Variants in CPQ observed in about 807,000 individuals in gnomAD.
CPQ encodes the protein Ser-Met dipeptidase.
A neutral mutation model predicts 45.7 loss-of-function variants in CPQ; 37 were observed. The observed-to-expected ratio is 0.81, with a 90% CI of 0.62 to 1.07. The LOEUF (loss-of-function observed/expected upper bound fraction) is 1.07, where lower values mean the gene tolerates loss of function less well. CPQ is among the 50% of genes least tolerant of loss of function. The probability of loss-of-function intolerance (pLI) is 0.00; values close to 1 mark genes in which losing one functional copy is unlikely to be tolerated. For synonymous variants in CPQ, 186 were observed against 205.8 expected (o/e 0.90, Z 0.82); for missense variants, 537 against 572.9 (o/e 0.94, Z 0.64).
intron 6 of CPQ, among the ~76,000 whole-genome samples, chr8:97,054,080 G>A (rs776510422): frequency 3.5e-4 from 53 of 152,160 alleles, no homozygotes; most frequent in Non-Finnish European, 5.9e-4. Flanking sequence ...ATGTGGAGAG[G>A]TCAAGTAGGC....
In CPQ at chr8:96,747,290, CAAA is replaced by C. The variant is rs397891702; in HGVS notation, c.-34-37558_-34-37556del. Among the ~76,000 whole-genome samples the C allele has an allele frequency of 5.0e-3, 487 of 96,796 alleles. 2 individuals carry two copies. Among genetic ancestry groups the C allele is most frequent in the African/African-American group, 0.018 (447 of 24,706 alleles). 63.5% of individuals were successfully genotyped at this position (96,796 alleles called of 152,430 possible). ...TGGGTGACAGAGCGAATCTTTGTCT[CAAA>C]AAAAAAAAAAAAAAACACTGTTTGA... is the stretch of plus-strand genomic sequence containing the variant. On this transcript the variant is annotated intron_variant, in intron 1 of 7. Coordinates refer to ENST00000220763, the MANE Select transcript of CPQ (RefSeq NM_016134.4).
At chr8:96,691,654 T>C (rs1554556583) in intron 1 of CPQ, among the ~76,000 whole-genome samples, 1 of 152,150 alleles carries the variant, frequency 6.6e-6, no homozygotes, top group Non-Finnish European at 1.5e-5. Context: ...TAATATAAGT[T>C]AAAACAAAAA....
At chr8:96,904,195 C>G (rs1812547528) in intron 4 of CPQ, among the ~76,000 whole-genome samples, 2 of 144,946 alleles carry the variant, frequency 1.4e-5, no homozygotes, top group South Asian at 4.6e-4. Context: ...AACATCTTTC[C>G]TTTGACTCTA....
chr8:96,827,669 C>T (rs1260745512), intron 2 of CPQ, among the ~76,000 whole-genome samples: 2 of 152,000 alleles, frequency 1.3e-5, no homozygotes, highest in Non-Finnish European at 2.9e-5. Context: ...ACCATTATCT[C>T]ATATGATGGT....
rs576912980 is a variant in CPQ, at chr8:97,046,645, G to C, written c.1053+17151G>C. ...TCATTTAATAAAACTCATCCAATCA[G>C]ATGCACTCCCTCCCCTGTGAAATCA... On this transcript the variant is annotated intron_variant, in intron 6 of 7. Coordinates refer to ENST00000220763, the MANE Select transcript of CPQ (RefSeq NM_016134.4). Among the ~76,000 whole-genome samples the C allele has an allele frequency of 8.8e-4, 134 of 152,208 alleles. 1 individual carries two copies. Among genetic ancestry groups the C allele is most frequent in the African/African-American group, 3.1e-3 (128 of 41,516 alleles).
At chr8:96,870,175 G>T (rs1055974213) in intron 3 of CPQ, among the ~76,000 whole-genome samples, 8 of 151,224 alleles carry the variant, frequency 5.3e-5, no homozygotes, top group Non-Finnish European at 1.0e-4. Context: ...TATTTTTTTG[G>T]TATGATTATC....
chr8:96,940,493 C>A (rs1813111615), intron 4 of CPQ, among the ~76,000 whole-genome samples: 1 of 152,104 alleles, frequency 6.6e-6, no homozygotes, highest in South Asian at 2.1e-4. Context: ...TTCTTTGCTT[C>A]TTTTATGTAT....
At chr8:96,918,150 C>T (rs1812756684) in intron 4 of CPQ, among the ~76,000 whole-genome samples, 1 of 152,060 alleles carries the variant, frequency 6.6e-6, no homozygotes, top group South Asian at 2.1e-4. Context: ...CAGCCCCTTT[C>T]TCTCACTCCT....
intron 1 of CPQ, among the ~76,000 whole-genome samples, chr8:96,747,232 A>C (rs1810198766): frequency 6.6e-6 from 1 of 150,428 alleles, no homozygotes; most frequent in African/African-American, 2.4e-5. Flanking sequence ...TGGAGGTTGC[A>C]GTGAGCAGAG....
At chr8:96,678,417 T>C (rs1809103576) in intron 1 of CPQ, among the ~76,000 whole-genome samples, 1 of 152,078 alleles carries the variant, frequency 6.6e-6, no homozygotes, top group Admixed American at 6.6e-5. Flanking sequence ...TTTCCTTTCC[T>C]TTGGATAAAC....
intron 6 of CPQ, among the ~76,000 whole-genome samples, chr8:97,034,278 A>G (rs182019946): frequency 2.3e-4 from 35 of 152,366 alleles, no homozygotes; most frequent in Admixed American, 4.6e-4. Flanking sequence ...AGTACTATAC[A>G]CTAGAATATA....
At chr8:96,814,812 A>G (rs936179373) in intron 2 of CPQ, among the ~76,000 whole-genome samples, 2 of 152,324 alleles carry the variant, frequency 1.3e-5, no homozygotes, top group Non-Finnish European at 2.9e-5. Context: ...GCCATACAAC[A>G]GAATAGTCTT....
intron 3 of CPQ, among the ~76,000 whole-genome samples, chr8:96,849,929 C>A (rs1010957533): frequency 1.3e-5 from 2 of 152,176 alleles, no homozygotes; most frequent in African/African-American, 4.8e-5. Context: ...GAGCTTGGGG[C>A]TGAAGGTCAT....
At position 97,066,134 on chromosome 8, in the gene CPQ, G is replaced by T. The variant is rs774907152; in HGVS notation, c.1179G>T (p.Gln393His). The change falls in exon 7 of 8, where the codon CAG becomes CAT. Residue 393 changes from glutamine (Q) to histidine (H), a missense_variant. Coordinates refer to ENST00000220763, the MANE Select transcript of CPQ (RefSeq NM_016134.4). ...TGGAGGAGGTTATGAGCCTGCTGCAGCCCCTCAATATCACTCAGGTCCTGA... is the reference window on the plus strand; with the variant it reads ...TGGAGGAGGTTATGAGCCTGCTGCATCCCCTCAATATCACTCAGGTCCTGA... ...AIMEEVMSLL[Q>H]PLNITQVLSH... 2.5e-6 allele frequency: 4 copies of T among 1,611,908 alleles called. No homozygotes were observed. The highest frequency in any genetic ancestry group is 1.7e-5 in the Admixed American group (1 of 59,664).
chr8:96,865,912 G>A (rs1811990735), intron 3 of CPQ, among the ~76,000 whole-genome samples: 1 of 151,978 alleles, frequency 6.6e-6, no homozygotes, highest in Admixed American at 6.6e-5. Context: ...TAGATAAATA[G>A]ATAAACCATG....
At chr8:97,121,117 G>T (rs942944949) in intron 7 of CPQ, among the ~76,000 whole-genome samples, 2 of 139,542 alleles carry the variant, frequency 1.4e-5, no homozygotes, top group Admixed American at 1.4e-4. Context: ...CTACTAAATA[G>T]TTACAGTGCT....
intron 1 of CPQ, among the ~76,000 whole-genome samples, chr8:96,751,862 C>G (rs1001134709): frequency 1.3e-5 from 2 of 152,126 alleles, no homozygotes; most frequent in African/African-American, 4.8e-5. Flanking sequence ...ATATGGCTAG[C>G]CAGTTCTCCC....
chr8:96,755,009 C>G (rs1169962805), intron 1 of CPQ, among the ~76,000 whole-genome samples: 3 of 151,628 alleles, frequency 2.0e-5, no homozygotes, highest in Non-Finnish European at 4.4e-5. Flanking sequence ...CACTGTTCAC[C>G]CTAGATTTAT....
chr8:96,922,869 G>A (rs1324419292), intron 4 of CPQ, among the ~76,000 whole-genome samples: 2 of 152,180 alleles, frequency 1.3e-5, no homozygotes, highest in African/African-American at 4.8e-5. Flanking sequence ...ATACATGACT[G>A]GTTTTGATTT....
Sources: gnomAD v4.1 joint callset for allele counts (sites outside exome capture counted in the v4.1 genomes callset) on GRCh38, gnomAD v4.1.1 for gene constraint, MANE v1.5 for transcripts, NCBI Gene and HGNC (gene_info 2026-07-23, HGNC 2026-07-21) for gene names.